The following NCAPH variants were observed in gnomAD, a reference collection of about 807,000 sequenced individuals.
NCAPH encodes non-SMC condensin I complex subunit H, also known as condensin complex subunit 2.
A neutral mutation model predicts 85.5 loss-of-function variants in NCAPH; 38 were observed. The observed-to-expected ratio is 0.44, with a 90% CI of 0.34 to 0.58. The LOEUF is 0.58. Among genes scored for constraint, NCAPH ranks in the 20% least tolerant of loss-of-function variants. NCAPH has a pLI of 0.01. For synonymous variants in NCAPH, 301 were observed against 335.1 expected, an observed-to-expected ratio of 0.90 and a Z score of 1.11; for missense variants, 789 against 916.6, an observed-to-expected ratio of 0.86 and a Z score of 1.80.
intron 17 of NCAPH, among the ~76,000 whole-genome samples, chr2:96,369,731 A>C (rs1343857270): frequency 6.6e-6 from 1 of 152,228 alleles, no homozygotes; most frequent in Non-Finnish European, 1.5e-5. Flanking sequence ...GTAAGATTTT[A>C]GATGATGGAA....
chr2:96,367,159 CCTT>C (rs1436015877), intron 14 of NCAPH, 95 bp from the exon 15 acceptor site: 1 of 778,746 alleles, frequency 1.3e-6, no homozygotes, highest in South Asian at 1.6e-5. Flanking sequence ...AAACTGGATT[CCTT>C]CTTTAGTTGA....
intron 9 of NCAPH, among the ~76,000 whole-genome samples, chr2:96,355,637 G>GT (rs1292056086): frequency 3.0e-4 from 45 of 148,612 alleles, no homozygotes; most frequent in African/African-American, 1.1e-3. Flanking sequence ...TTGTTTTTAT[G>GT]TTTTTTTGTT....
chr2:96,335,776 T>G lies in NCAPH; in HGVS notation c.-54T>G. On this transcript the variant is annotated 5_prime_UTR_variant, in exon 1 of 18. Transcript: ENST00000240423. The stretch of plus-strand genomic sequence containing the variant: ...CGACGTCACGCGGCCGTTACGGCGC[T>G]CAGGCGTCTCGACGCGCGCGATTTA... 6.8e-7 allele frequency: 1 copy of G among 1,463,604 alleles called. No homozygotes were observed. Among genetic ancestry groups the G allele is most frequent in the East Asian group, 3.0e-5 (1 of 33,224 alleles). The allele number at this position is 1,463,604 out of a possible 1,614,324, so 90.7% of individuals were successfully genotyped here.
intron 9 of NCAPH, 38 bp downstream of exon 9, chr2:96,354,426 T>C: frequency 1.4e-6 from 2 of 1,402,660 alleles, no homozygotes; most frequent in Non-Finnish European, 1.9e-6. Flanking sequence ...TCTATAGGAG[T>C]TTTCCATTGG....
At chr2:96,361,087 G>T (rs1573088133) in intron 12 of NCAPH, among the ~76,000 whole-genome samples, 1 of 94,856 alleles carries the variant, frequency 1.1e-5, no homozygotes. Flanking sequence ...CGCTCTTGTT[G>T]CCCTAGGCTG....
chr2:96,360,389 A>G, intron 11 of NCAPH, 140 bp downstream of exon 11: 1 of 814,418 alleles, frequency 1.2e-6, no homozygotes, highest in Non-Finnish European at 1.9e-6. Context: ...CTATTAAGAA[A>G]TAGTCCTAAA....
chr2:96,372,474 C>T lies in NCAPH; in HGVS notation c.2167-818C>T, dbSNP rs989688560. 3.3e-5 allele frequency among the ~76,000 whole-genome samples: 5 copies of T among 152,170 alleles called. No individual in the cohort carries two copies. The East Asian group carries it at 9.6e-4, about 29-fold the overall frequency. On this transcript the variant is annotated intron_variant, in intron 17 of 17. Coordinates refer to ENST00000240423, the MANE Select transcript of NCAPH (RefSeq NM_015341.5). Reference sequence around the variant, plus strand: ...CACTTTCCATGGTTTCAGTTACCCACAGTCACCCATGGTCTGAAAATACTA... The same window carrying T: ...CACTTTCCATGGTTTCAGTTACCCATAGTCACCCATGGTCTGAAAATACTA...
At chr2:96,343,449 T>TA in intron 5 of NCAPH, 145 bp downstream of exon 5, 1 of 923,968 alleles carries the variant, frequency 1.1e-6, no homozygotes, top group Non-Finnish European at 1.5e-6. Flanking sequence ...TATATGGTCT[T>TA]ACGTGAGAAG....
At chr2:96,357,019 G>A (rs926604617) in intron 9 of NCAPH, among the ~76,000 whole-genome samples, 1 of 152,216 alleles carries the variant, frequency 6.6e-6, no homozygotes, top group Non-Finnish European at 1.5e-5. Flanking sequence ...AGAACACTTG[G>A]AGCCAAGTGT....
At chr2:96,342,237 A>ACTCACCAGAGAAT in intron 3 of NCAPH, 97 bp downstream of exon 3, 1 of 1,149,480 alleles carries the variant, frequency 8.7e-7, no homozygotes, top group Non-Finnish European at 1.3e-6. Context: ...ATCAATGATG[A>ACTCACCAGAGAAT]TAATTCTCTG....
rs763915104 is a variant in NCAPH at position 96,360,574 on chromosome 2, A to T, written c.1465-14A>T. The T allele has an allele frequency of 3.0e-5, 49 of 1,608,362 alleles. No individual in the cohort carries two copies. In the East Asian group the frequency reaches 4.2e-4, roughly 14 times the overall value. On this transcript the variant is annotated splice_polypyrimidine_tract_variant and intron_variant, in intron 11 of 17. Transcript: ENST00000240423. ...TTAAAATGCCTAAAACACTTTTTTT[A>T]AAAAAATTAATAGGCTGCTACTATT...
intron 17 of NCAPH, among the ~76,000 whole-genome samples, chr2:96,370,575 C>T (rs1247042867): frequency 1.3e-5 from 2 of 152,174 alleles, no homozygotes; most frequent in African/African-American, 4.8e-5. Context: ...TCAGCCAATC[C>T]CAGTGACCTA....
At chr2:96,356,802 A>G (rs1446321590) in intron 9 of NCAPH, among the ~76,000 whole-genome samples, 2 of 152,164 alleles carry the variant, frequency 1.3e-5, no homozygotes, top group Non-Finnish European at 2.9e-5. Flanking sequence ...AGGCCTCTGG[A>G]TGAAGGTGGG....
At chr2:96,343,407 A>G (rs2064322070) in intron 5 of NCAPH, 103 bp downstream of exon 5, 2 of 1,380,610 alleles carry the variant, frequency 1.4e-6, no homozygotes, top group African/African-American at 1.4e-5. Context: ...AAGTGATCTC[A>G]TTTTATTGAA....
chr2:96,373,633 A>AT lies in NCAPH; in HGVS notation c.*283dup, dbSNP rs2064801781. On this transcript the variant is annotated 3_prime_UTR_variant, in exon 18 of 18. Coordinates refer to ENST00000240423, the MANE Select transcript of NCAPH (RefSeq NM_015341.5). ...GTACTATTCTGGATTGAGAAAACCT[A>AT]TATCCATTCTTTATATCAATGTATA... 2.4e-5 allele frequency: 7 copies of AT among 286,050 alleles called. No individual in the cohort carries two copies. In the South Asian group the frequency reaches 8.8e-4, roughly 36 times the overall value. The allele number at this position is 286,050 out of a possible 1,614,324, so 17.7% of individuals were successfully genotyped here. A position where few individuals can be genotyped will look rare whatever the true frequency, so the allele number is the denominator to read the frequency against.
At chr2:96,362,116 T>A (rs1227110100) in intron 12 of NCAPH, among the ~76,000 whole-genome samples, 1 of 152,046 alleles carries the variant, frequency 6.6e-6, no homozygotes, top group Non-Finnish European at 1.5e-5. Context: ...TCAATAGAAA[T>A]ACTCTTTTTT....
intron 6 of NCAPH, among the ~76,000 whole-genome samples, chr2:96,346,549 A>G (rs2064363844): frequency 6.6e-6 from 1 of 152,140 alleles, no homozygotes; most frequent in Non-Finnish European, 1.5e-5. Flanking sequence ...GTGCATGTGT[A>G]AAGGTGTGGT....
chr2:96,349,130 T>G (rs1481313784), intron 6 of NCAPH, among the ~76,000 whole-genome samples: 1 of 152,172 alleles, frequency 6.6e-6, no homozygotes, highest in Non-Finnish European at 1.5e-5. Context: ...CCCATGATTA[T>G]AAAGAGAAAA....
In NCAPH at chr2:96,367,349, C is replaced by A; in HGVS notation, c.1974C>A (p.Leu658=). Residue 658 remains leucine, a synonymous_variant, in exon 15 of 18, where the codon CTC becomes CTA. Transcript: ENST00000240423. ...GCATGTGGAGTCTGCTGACAGCGCTCTCCGGAAAGGAGGCAGATGCAGAGG... is the reference window on the plus strand; with the variant it reads ...GCATGTGGAGTCTGCTGACAGCGCTATCCGGAAAGGAGGCAGATGCAGAGG... ...KQSMWSLLTA[L]SGKEADAEAN... 1.2e-6 allele frequency: 2 copies of A among 1,613,394 alleles called. No individual in the cohort carries two copies. Among genetic ancestry groups the A allele is most frequent in the South Asian group, 2.2e-5 (2 of 91,050 alleles).
Sources: allele counts gnomAD v4.1 joint callset (sites outside exome capture counted in the v4.1 genomes callset), GRCh38; gene constraint gnomAD v4.1.1; transcripts MANE v1.5; gene names NCBI Gene and HGNC (gene_info 2026-07-23, HGNC 2026-07-21).